Variants in DPP10 observed in about 807,000 individuals in gnomAD.
DPP10 encodes the protein dipeptidyl peptidase like 10, also known as inactive dipeptidyl peptidase 10.
DPP10 carries 33 observed loss-of-function variants against 120.9 expected under a neutral mutation model. The observed-to-expected ratio is 0.27, with a 90% CI of 0.21 to 0.37. The LOEUF (loss-of-function observed/expected upper bound fraction) is 0.37, where lower values mean the gene tolerates loss of function less well. Ranked by LOEUF, DPP10 falls within the 10% of genes least tolerant of loss-of-function variation. The probability of loss-of-function intolerance (pLI) is 1.00; values close to 1 mark genes in which losing one functional copy is unlikely to be tolerated. For missense variants in DPP10, 816 were observed against 942.8 expected (o/e 0.87, Z 1.76); for synonymous variants, 337 against 326.1 (o/e 1.03, Z -0.36).
chr2:115,332,722 T>A (rs1280242788), intron 2 of DPP10, among the ~76,000 whole-genome samples: 1 of 152,224 alleles, frequency 6.6e-6, no homozygotes, highest in East Asian at 1.9e-4. Flanking sequence ...AGTTTCCATG[T>A]AGTTGAGCAG....
intron 1 of DPP10, among the ~76,000 whole-genome samples, chr2:115,249,154 G>T (rs1335856001): frequency 6.6e-6 from 1 of 152,144 alleles, no homozygotes; most frequent in Middle Eastern, 3.4e-3. Flanking sequence ...ACAATAAATT[G>T]CACTGTGGCG....
chr2:115,660,514 T>G (rs1297532423), intron 5 of DPP10, among the ~76,000 whole-genome samples: 1 of 152,140 alleles, frequency 6.6e-6, no homozygotes, highest in East Asian at 1.9e-4. Flanking sequence ...AAATTCAGAT[T>G]GCTTATTTCA....
chr2:115,647,521 A>T (rs1216155060), intron 5 of DPP10, among the ~76,000 whole-genome samples: 1 of 152,164 alleles, frequency 6.6e-6, no homozygotes, highest in Admixed American at 6.6e-5. Flanking sequence ...TAGATGTTGT[A>T]TTAGAAATAG....
chr2:115,736,755 T>A (rs1398814678), intron 8 of DPP10, among the ~76,000 whole-genome samples: 1 of 152,140 alleles, frequency 6.6e-6, no homozygotes, highest in Non-Finnish European at 1.5e-5. Context: ...GGCTCAGCGA[T>A]GGCCACTACC....
chr2:115,634,558 T>C (rs1351831415), intron 5 of DPP10, among the ~76,000 whole-genome samples: 1 of 152,166 alleles, frequency 6.6e-6, no homozygotes, highest in Non-Finnish European at 1.5e-5. Context: ...GTGGAGGCTA[T>C]AGAACAGTAA....
intron 1 of DPP10, among the ~76,000 whole-genome samples, chr2:114,701,843 A>G (rs1346609845): frequency 6.6e-6 from 1 of 152,142 alleles, no homozygotes; most frequent in African/African-American, 2.4e-5. Flanking sequence ...CAGGAATAGC[A>G]TTTGAGGTCA....
intron 5 of DPP10, among the ~76,000 whole-genome samples, chr2:115,559,959 G>C (rs574175478): frequency 7.8e-4 from 119 of 152,120 alleles, no homozygotes; most frequent in African/African-American, 2.6e-3. Flanking sequence ...TACTCTAACT[G>C]TGGGTACTTA....
chr2:115,404,436 A>C (rs1033572440), intron 3 of DPP10, among the ~76,000 whole-genome samples: 1 of 152,146 alleles, frequency 6.6e-6, no homozygotes, highest in Admixed American at 6.5e-5. Flanking sequence ...GGTGGGGACA[A>C]CATCCAAACT....
At chr2:114,532,792 G>A (rs937266687) in intron 1 of DPP10, among the ~76,000 whole-genome samples, 2 of 152,114 alleles carry the variant, frequency 1.3e-5, no homozygotes, top group African/African-American at 4.8e-5. Flanking sequence ...TTCATGGAAA[G>A]TTTACATGGA....
intron 5 of DPP10, among the ~76,000 whole-genome samples, chr2:115,667,010 G>T (rs972482545): frequency 1.3e-5 from 2 of 152,066 alleles, no homozygotes; most frequent in Admixed American, 1.3e-4. Context: ...CACCATGATT[G>T]TAAGTTTCCT....
chr2:115,408,749 T>TA (rs894449580), intron 3 of DPP10, among the ~76,000 whole-genome samples: 9 of 152,010 alleles, frequency 5.9e-5, no homozygotes, highest in Admixed American at 6.6e-5. Context: ...TGAGAGATAT[T>TA]AAAAAAATCA....
At chr2:114,677,283 G>C (rs1178713462) in intron 1 of DPP10, among the ~76,000 whole-genome samples, 1 of 152,074 alleles carries the variant, frequency 6.6e-6, no homozygotes, top group Non-Finnish European at 1.5e-5. Flanking sequence ...AAAATCCACA[G>C]TTGTGATTGT....
At chr2:114,825,999 C>T (rs1686499483) in intron 1 of DPP10, among the ~76,000 whole-genome samples, 3 of 152,164 alleles carry the variant, frequency 2.0e-5, no homozygotes, top group African/African-American at 4.8e-5. Context: ...GGGGTATAAA[C>T]CACATTCCAA....
chr2:115,300,949 C>A (rs2105974959), intron 1 of DPP10, among the ~76,000 whole-genome samples: 1 of 152,072 alleles, frequency 6.6e-6, no homozygotes. Flanking sequence ...TCAGACACTT[C>A]TTCCAGTCAC....
At position 114,960,722 on chromosome 2, in the gene DPP10, ATACTC is replaced by A. The variant is rs1337356069; in HGVS notation, c.61-348514_61-348510del. On this transcript the variant is annotated intron_variant, in intron 1 of 25. Coordinates refer to ENST00000410059, the MANE Select transcript of DPP10 (RefSeq NM_020868.6). Reference sequence around the variant, plus strand: ...TCCAGTGAAATTCCATTTTAAGAAAATACTCTATGCTATTCAGTCGCTGGACATTC... The same window carrying A: ...TCCAGTGAAATTCCATTTTAAGAAAATATGCTATTCAGTCGCTGGACATTC... Among the ~76,000 whole-genome samples the A allele has an allele frequency of 4.6e-5, 7 of 152,250 alleles. No homozygotes were observed. In the South Asian group the frequency reaches 1.0e-3, roughly 23 times the overall value.
rs9917386 is a variant in DPP10 at position 115,121,189 on chromosome 2, C to T, written c.61-188050C>T. Among the ~76,000 whole-genome samples the T allele has an allele frequency of 5.9e-3, 905 of 152,310 alleles. 8 individuals carry two copies. The highest frequency in any genetic ancestry group is 0.021 in the African/African-American group (862 of 41,572). Reference sequence around the variant, plus strand: ...AGTTTGGGTAGATATTAAGCAGGCACCCATCCCAAAGGGGTGTGGGGCTTT... The same window carrying T: ...AGTTTGGGTAGATATTAAGCAGGCATCCATCCCAAAGGGGTGTGGGGCTTT... On this transcript the variant is annotated intron_variant, in intron 1 of 25. Coordinates refer to ENST00000410059, the MANE Select transcript of DPP10 (RefSeq NM_020868.6).
At chr2:114,612,169 A>T (rs1439918747) in intron 1 of DPP10, among the ~76,000 whole-genome samples, 2 of 152,150 alleles carry the variant, frequency 1.3e-5, no homozygotes, top group Non-Finnish European at 2.9e-5. Flanking sequence ...CAGGCCCTGC[A>T]CGGATGGCAT....
intron 3 of DPP10, among the ~76,000 whole-genome samples, chr2:115,455,444 T>G (rs1283987693): frequency 6.6e-6 from 1 of 152,126 alleles, no homozygotes; most frequent in African/African-American, 2.4e-5. Context: ...GTTGACTTTC[T>G]TCACAGAATT....
intron 1 of DPP10, among the ~76,000 whole-genome samples, chr2:114,536,184 T>A (rs1686469341): frequency 6.6e-6 from 1 of 152,110 alleles, no homozygotes; most frequent in Non-Finnish European, 1.5e-5. Context: ...ATGATTTTAT[T>A]CCTCATGTCT....
Sources: gnomAD v4.1 joint callset for allele counts (sites outside exome capture counted in the v4.1 genomes callset) on GRCh38, gnomAD v4.1.1 for gene constraint, MANE v1.5 for transcripts, NCBI Gene and HGNC (gene_info 2026-07-23, HGNC 2026-07-21) for gene names.